The following SPOCK3 variants were observed in gnomAD, a reference collection of about 807,000 sequenced individuals.
SPOCK3 encodes the protein SPARC (osteonectin), cwcv and kazal like domains proteoglycan 3.
SPOCK3 carries 30 observed loss-of-function variants against 56.6 expected under a neutral mutation model. The ratio of observed to expected loss-of-function variants is 0.53; its 90% CI spans 0.40 to 0.72. The LOEUF is 0.72. Among genes scored for constraint, SPOCK3 ranks in the 30% least tolerant of loss-of-function variants. The pLI is 0.00. For missense variants in SPOCK3, 527 were observed against 530.0 expected, an observed-to-expected ratio of 0.99 and a Z score of 0.06; for synonymous variants, 196 against 183.3, an observed-to-expected ratio of 1.07 and a Z score of -0.56.
chr4:166,893,892 A>G (rs891447263), intron 5 of SPOCK3, among the ~76,000 whole-genome samples: 1 of 152,144 alleles, frequency 6.6e-6, no homozygotes, highest in African/African-American at 2.4e-5. Context: ...CCCTTTCCCA[A>G]GAAAACACCG....
At chr4:166,890,361 A>G (rs1459796958) in intron 5 of SPOCK3, among the ~76,000 whole-genome samples, 5 of 151,952 alleles carry the variant, frequency 3.3e-5, no homozygotes, top group Admixed American at 1.3e-4. Flanking sequence ...CCATTAAAAA[A>G]TCTGGGATAA....
At chr4:166,984,572 G>A (rs941850234) in intron 4 of SPOCK3, among the ~76,000 whole-genome samples, 1 of 152,040 alleles carries the variant, frequency 6.6e-6, no homozygotes, top group Admixed American at 6.5e-5. Flanking sequence ...AACAGGAGGG[G>A]TGCTAACAGG....
chr4:167,171,061 G>T (rs1249570091), intron 2 of SPOCK3, among the ~76,000 whole-genome samples: 1 of 152,014 alleles, frequency 6.6e-6, no homozygotes, highest in Non-Finnish European at 1.5e-5. Flanking sequence ...CAAGTATTTC[G>T]CCTTACCTAT....
chr4:166,980,561 C>A lies in SPOCK3; in HGVS notation c.350+19788G>T, dbSNP rs544084891. 4.4e-3 allele frequency among the ~76,000 whole-genome samples: 674 copies of A among 152,324 alleles called. 6 individuals are homozygous for A. The highest frequency in any genetic ancestry group is 5.8e-3 in the Non-Finnish European group (397 of 68,032). On this transcript the variant is annotated intron_variant, in intron 4 of 10. Coordinates refer to ENST00000357545, the MANE Select transcript of SPOCK3 (RefSeq NM_001040159.2). ...TCATGCTAGCAGCCAAGATCCCACA[C>A]CTGCCAAGGGCAAGCCAGGAGCAGA... is the stretch of plus-strand genomic sequence containing the variant.
At chr4:167,157,911 G>A (rs780695135) in intron 2 of SPOCK3, among the ~76,000 whole-genome samples, 1 of 151,856 alleles carries the variant, frequency 6.6e-6, no homozygotes, top group African/African-American at 2.4e-5. Flanking sequence ...GGTTTGCAAC[G>A]AGCCCTATAT....
intron 5 of SPOCK3, among the ~76,000 whole-genome samples, chr4:166,899,843 C>A (rs1735852551): frequency 6.6e-6 from 1 of 152,138 alleles, no homozygotes. Context: ...TAGAGCTATG[C>A]AGGTGGATTT....
chr4:167,038,010 C>A (rs1360926038), intron 3 of SPOCK3, among the ~76,000 whole-genome samples: 2 of 152,058 alleles, frequency 1.3e-5, no homozygotes, highest in Non-Finnish European at 2.9e-5. Context: ...TATCAACATG[C>A]GCAATTTTCA....
In SPOCK3 at chr4:166,896,478, G is replaced by A. The variant is rs529788544; in HGVS notation, c.475-7234C>T. Among the ~76,000 whole-genome samples, 3 of 152,262 alleles carry A rather than the reference G, an allele frequency of 2.0e-5. No homozygotes were observed. In the East Asian group the frequency reaches 5.8e-4, roughly 30 times the overall value. On this transcript the variant is annotated intron_variant, in intron 5 of 10. Coordinates refer to ENST00000357545, the MANE Select transcript of SPOCK3 (RefSeq NM_001040159.2). ...GGGGGCCACCGAGGTGCATGCTTAA[G>A]CAGAACAAAGGAACACTCATTACAT...
At chr4:166,896,272 A>T (rs1162414237) in intron 5 of SPOCK3, among the ~76,000 whole-genome samples, 2 of 152,148 alleles carry the variant, frequency 1.3e-5, no homozygotes, top group Admixed American at 6.6e-5. Context: ...TGCTTTACTC[A>T]CATCAAGAAG....
At position 166,824,520 on chromosome 4, in the gene SPOCK3, G is replaced by A. The variant is rs533136501; in HGVS notation, c.590-32231C>T. The stretch of plus-strand genomic sequence containing the variant: ...ATGTGATCCAGTTCTGGCCAAAGAC[G>A]CAGAACACTAAGTCTGCTGGGAGCG... On this transcript the variant is annotated intron_variant, in intron 6 of 10. Transcript: ENST00000357545. 3.9e-5 allele frequency among the ~76,000 whole-genome samples: 6 copies of A among 152,164 alleles called. No homozygotes were observed. In the East Asian group the frequency reaches 7.8e-4, roughly 20 times the overall value.
intron 3 of SPOCK3, among the ~76,000 whole-genome samples, chr4:167,048,289 G>T (rs1486131203): frequency 6.6e-6 from 1 of 151,556 alleles, no homozygotes; most frequent in Non-Finnish European, 1.5e-5. Flanking sequence ...TTAGTCTAGA[G>T]TTTACATACT....
chr4:167,178,441 T>C (rs1731169200), intron 2 of SPOCK3, among the ~76,000 whole-genome samples: 1 of 152,194 alleles, frequency 6.6e-6, no homozygotes. Flanking sequence ...CAATTTAAAA[T>C]ACTGTTGTCC....
intron 2 of SPOCK3, among the ~76,000 whole-genome samples, chr4:167,117,777 A>C (rs901797366): frequency 1.1e-4 from 17 of 152,194 alleles, no homozygotes; most frequent in African/African-American, 3.6e-4. Flanking sequence ...GATTTCTGGA[A>C]GTCAATGCAC....
intron 2 of SPOCK3, among the ~76,000 whole-genome samples, chr4:167,221,425 G>A (rs1398563549): frequency 2.0e-5 from 3 of 152,008 alleles, no homozygotes; most frequent in Non-Finnish European, 1.5e-5. Context: ...GCTGTCTGTA[G>A]TAACTGTTTT....
rs2150016967 is a variant in SPOCK3, at chr4:166,941,843, G to A, written c.351-29100C>T. 1.3e-5 allele frequency among the ~76,000 whole-genome samples: 2 copies of A among 152,260 alleles called. 1 individual carries two copies. The highest frequency in any genetic ancestry group is 4.1e-4 in the South Asian group (2 of 4,820). Reference sequence around the variant, plus strand: ...TTTAGGGAACCGTGTGATGAGCCTGGATGTGAATCATTCAGCCCCAGGCAG... The same window carrying A: ...TTTAGGGAACCGTGTGATGAGCCTGAATGTGAATCATTCAGCCCCAGGCAG... On this transcript the variant is annotated intron_variant, in intron 4 of 10. Transcript: ENST00000357545.
At chr4:167,040,977 G>A (rs1753187115) in intron 3 of SPOCK3, among the ~76,000 whole-genome samples, 2 of 152,144 alleles carry the variant, frequency 1.3e-5, no homozygotes, top group African/African-American at 4.8e-5. Context: ...TTTCTCATGA[G>A]GTCTCACTCG....
At chr4:166,970,788 A>T (rs944849977) in intron 4 of SPOCK3, among the ~76,000 whole-genome samples, 1 of 152,184 alleles carries the variant, frequency 6.6e-6, no homozygotes, top group East Asian at 1.9e-4. Flanking sequence ...TGTATCATAA[A>T]ATTACAATTA....
intron 2 of SPOCK3, among the ~76,000 whole-genome samples, chr4:167,152,827 G>GT (rs755091256): frequency 9.2e-5 from 14 of 151,936 alleles, no homozygotes; most frequent in South Asian, 2.1e-4. Context: ...ATCAAAATAT[G>GT]TTTTTTAAAA....
chr4:167,125,059 A>C (rs1264496747), intron 2 of SPOCK3, among the ~76,000 whole-genome samples: 1 of 152,048 alleles, frequency 6.6e-6, no homozygotes, highest in Non-Finnish European at 1.5e-5. Flanking sequence ...TTATCACTTA[A>C]AATTTAGTTT....
Sources: allele counts gnomAD v4.1 joint callset (sites outside exome capture counted in the v4.1 genomes callset), GRCh38; gene constraint gnomAD v4.1.1; transcripts MANE v1.5; gene names NCBI Gene and HGNC (gene_info 2026-07-23, HGNC 2026-07-21).